The following AGBL1 variants were observed in gnomAD, a reference collection of about 807,000 sequenced individuals.
AGBL1 encodes cytosolic carboxypeptidase 4.
A neutral mutation model predicts 118.9 loss-of-function variants in AGBL1; 130 were observed. The observed-to-expected ratio is 1.09, with a 90% CI of 0.95 to 1.26. AGBL1 has a LOEUF of 1.26. Ranked by LOEUF, AGBL1 falls within the 50% of genes most tolerant of loss-of-function variation. The probability of loss-of-function intolerance (pLI) is 0.00; values close to 1 mark genes in which losing one functional copy is unlikely to be tolerated. For synonymous variants in AGBL1, 555 were observed against 478.9 expected, an observed-to-expected ratio of 1.16 and a Z score of -2.08; for missense variants, 1,584 against 1,298.1, an observed-to-expected ratio of 1.22 and a Z score of -3.38.
chr15:86,254,781 CT>C (rs1483567342), intron 7 of AGBL1, among the ~76,000 whole-genome samples: 1 of 152,170 alleles, frequency 6.6e-6, no homozygotes, highest in Non-Finnish European at 1.5e-5. Context: ...TCACCTTAGT[CT>C]TGGCTCTGCA....
chr15:86,640,632 C>CT (rs1448167919), intron 21 of AGBL1, among the ~76,000 whole-genome samples: 2 of 152,068 alleles, frequency 1.3e-5, no homozygotes, highest in African/African-American at 2.4e-5. Context: ...CATTTCTCTA[C>CT]TTTTTGGAGA....
At chr15:86,633,878 GTATATATATATATATAA>G (rs2085031718) in intron 21 of AGBL1, among the ~76,000 whole-genome samples, 1 of 99,026 alleles carries the variant, frequency 1.0e-5, no homozygotes, top group Non-Finnish European at 1.9e-5. Context: ...TATATATAAT[GTATATATATATATATAA>G]TGTATATATA....
chr15:86,240,076 A>G (rs145319702), intron 6 of AGBL1, among the ~76,000 whole-genome samples: 187 of 152,306 alleles, frequency 1.2e-3, no homozygotes, highest in African/African-American at 4.3e-3. Context: ...TTTCATTTGA[A>G]TCCTAGATAT....
At chr15:86,665,049 A>G (rs1311107149) in intron 21 of AGBL1, among the ~76,000 whole-genome samples, 1 of 152,166 alleles carries the variant, frequency 6.6e-6, no homozygotes, top group Non-Finnish European at 1.5e-5. Context: ...TAGCATTACA[A>G]AAATTTAAAG....
intron 19 of AGBL1, among the ~76,000 whole-genome samples, chr15:86,538,400 A>T (rs2083453610): frequency 6.6e-6 from 1 of 152,198 alleles, no homozygotes; most frequent in South Asian, 2.1e-4. Flanking sequence ...CTTACTAAGG[A>T]GAGAGTATGG....
At chr15:86,286,748 T>TATATATATATATATAA (rs1306818279) in intron 16 of AGBL1, among the ~76,000 whole-genome samples, 1 of 146,144 alleles carries the variant, frequency 6.8e-6, no homozygotes, top group African/African-American at 2.6e-5. Flanking sequence ...TATATATATA[T>TATATATATATATATAA]AAAACTCCAT....
chr15:86,705,006 A>G (rs1041577750), intron 22 of AGBL1, among the ~76,000 whole-genome samples: 16 of 152,168 alleles, frequency 1.1e-4, no homozygotes, highest in Non-Finnish European at 1.9e-4. Flanking sequence ...GCTGGAAACC[A>G]TCATTCTCAG....
At chr15:86,381,748 T>C (rs2081115764) in intron 17 of AGBL1, among the ~76,000 whole-genome samples, 1 of 152,078 alleles carries the variant, frequency 6.6e-6, no homozygotes, top group Non-Finnish European at 1.5e-5. Flanking sequence ...GAGAGGGCTT[T>C]CCTGCAGAAG....
At chr15:86,952,635 A>T (rs72755655) in intron 23 of AGBL1, among the ~76,000 whole-genome samples, 5,934 of 152,214 alleles carry the variant, frequency 0.039, 159 homozygotes, top group Middle Eastern at 0.071. Context: ...CCTGTAGGTT[A>T]TCTATTTACC....
intron 22 of AGBL1, among the ~76,000 whole-genome samples, chr15:86,856,369 G>T (rs1692880742): frequency 1.3e-5 from 2 of 152,120 alleles, no homozygotes; most frequent in African/African-American, 4.8e-5. Flanking sequence ...CTTCTCCATG[G>T]TTACTGGGAG....
chr15:86,437,209 G>T (rs965192706), intron 18 of AGBL1, among the ~76,000 whole-genome samples: 2 of 152,160 alleles, frequency 1.3e-5, no homozygotes, highest in Non-Finnish European at 2.9e-5. Flanking sequence ...AAATATTGCT[G>T]TCAAATATTC....
At chr15:86,853,475 C>T (rs1465637584) in intron 22 of AGBL1, among the ~76,000 whole-genome samples, 1 of 152,166 alleles carries the variant, frequency 6.6e-6, no homozygotes, top group Non-Finnish European at 1.5e-5. Flanking sequence ...TCCAATTCTA[C>T]AGATGAAGAA....
intron 22 of AGBL1, among the ~76,000 whole-genome samples, chr15:86,736,661 C>T (rs2077604586): frequency 6.6e-6 from 1 of 152,202 alleles, no homozygotes; most frequent in Admixed American, 6.5e-5. Context: ...TAGCCGTAAA[C>T]TACACCGCTT....
At chr15:86,824,572 T>C (rs2078982334) in intron 22 of AGBL1, among the ~76,000 whole-genome samples, 1 of 151,094 alleles carries the variant, frequency 6.6e-6, no homozygotes, top group African/African-American at 2.4e-5. Context: ...TTTTTTTTCA[T>C]GAACACAGCT....
chr15:86,988,152 G>T lies in AGBL1; in HGVS notation c.3323+64G>T, dbSNP rs533385406. On this transcript the variant is annotated intron_variant, in intron 24 of 24. Transcript: ENST00000441037. ...CGGGGATTGCTGGATGAAATACCCT[G>T]CATGTGACTACATTGGGACTGGACA... 33 of 1,575,468 alleles carry T rather than the reference G, an allele frequency of 2.1e-5. No individual in the cohort carries two copies. The African/African-American group carries it at 2.6e-4, about 12-fold the overall frequency.
intron 1 of AGBL1, among the ~76,000 whole-genome samples, chr15:86,129,677 C>T (rs367790844): frequency 6.6e-6 from 1 of 151,928 alleles, no homozygotes; most frequent in African/African-American, 2.4e-5. Flanking sequence ...CGGGTAGAGA[C>T]CAGGAATACT....
chr15:86,744,292 C>T (rs978262885), intron 22 of AGBL1, among the ~76,000 whole-genome samples: 32 of 152,120 alleles, frequency 2.1e-4, no homozygotes, highest in African/African-American at 7.0e-4. Context: ...ATATATTCTG[C>T]CATGTCTTTG....
chr15:86,604,481 G>A (rs902796353), intron 21 of AGBL1, among the ~76,000 whole-genome samples: 2 of 152,172 alleles, frequency 1.3e-5, no homozygotes, highest in Non-Finnish European at 2.9e-5. Context: ...CTGATCCCGA[G>A]GCCAGGCAAT....
chr15:87,029,463 C>A (rs1005730111), downstream of AGBL1, among the ~76,000 whole-genome samples: 1 of 150,376 alleles, frequency 6.6e-6, no homozygotes, highest in South Asian at 2.1e-4. Flanking sequence ...TTCTTAGATC[C>A]TCTTTCAAAG....
Sources: allele counts gnomAD v4.1 joint callset (sites outside exome capture counted in the v4.1 genomes callset), GRCh38; gene constraint gnomAD v4.1.1; transcripts MANE v1.5; gene names NCBI Gene and HGNC (gene_info 2026-07-23, HGNC 2026-07-21).